NCAM2: variants seen among roughly 807,000 people sequenced by gnomAD.
The protein encoded by NCAM2 is N-CAM-2.
In NCAM2, 30 loss-of-function variants were observed where a neutral mutation model predicts 98.1. The ratio of observed to expected loss-of-function variants is 0.31; its 90% CI spans 0.23 to 0.41. The LOEUF (loss-of-function observed/expected upper bound fraction) is 0.41, where lower values mean the gene tolerates loss of function less well. Among genes scored for constraint, NCAM2 ranks in the 10% least tolerant of loss-of-function variants. NCAM2 has a pLI of 1.00. For missense variants in NCAM2, 867 were observed against 1,005.8 expected (o/e 0.86, Z 1.87); for synonymous variants, 368 against 342.4 (o/e 1.07, Z -0.83).
intron 5 of NCAM2, among the ~76,000 whole-genome samples, chr21:21,316,391 A>G (rs982370456): frequency 3.3e-5 from 5 of 152,084 alleles, no homozygotes; most frequent in Admixed American, 6.6e-5. Context: ...AAAACATGCA[A>G]TAATAACTTG....
chr21:21,529,143 C>T (rs1458397559), intron 16 of NCAM2, among the ~76,000 whole-genome samples: 1 of 151,956 alleles, frequency 6.6e-6, no homozygotes, highest in African/African-American at 2.4e-5. Flanking sequence ...ATTCATCCCC[C>T]CTTATGAAAG....
At chr21:21,127,427 C>G (rs940256210) in intron 1 of NCAM2, among the ~76,000 whole-genome samples, 4 of 152,142 alleles carry the variant, frequency 2.6e-5, no homozygotes, top group Non-Finnish European at 4.4e-5. Context: ...GGTTATCTAT[C>G]ATCTCAAACA....
chr21:21,133,748 G>A (rs1012980703), intron 1 of NCAM2, among the ~76,000 whole-genome samples: 1 of 151,994 alleles, frequency 6.6e-6, no homozygotes, highest in Non-Finnish European at 1.5e-5. Context: ...TTGCTGCCTC[G>A]ACCCTGATCT....
At chr21:21,192,914 G>A (rs562283865) in intron 1 of NCAM2, among the ~76,000 whole-genome samples, 1 of 152,166 alleles carries the variant, frequency 6.6e-6, no homozygotes, top group Non-Finnish European at 1.5e-5. Flanking sequence ...TCCTAGTGTC[G>A]TGAGGCAAGG....
At chr21:21,093,672 A>T (rs140655228) in intron 1 of NCAM2, among the ~76,000 whole-genome samples, 117 of 152,176 alleles carry the variant, frequency 7.7e-4, no homozygotes, top group African/African-American at 2.8e-3. Context: ...GCTTAAAAAA[A>T]TAGTGACTTC....
intron 1 of NCAM2, among the ~76,000 whole-genome samples, chr21:21,271,849 A>G (rs1488773070): frequency 6.6e-6 from 1 of 152,106 alleles, no homozygotes; most frequent in African/African-American, 2.4e-5. Context: ...GTCAATGAGA[A>G]CACTTGGACA....
intron 1 of NCAM2, among the ~76,000 whole-genome samples, chr21:21,130,587 T>C (rs1031507444): frequency 6.6e-6 from 1 of 152,142 alleles, no homozygotes; most frequent in African/African-American, 2.4e-5. Context: ...CTGTTGGGGA[T>C]AGTCAGTAGG....
At chr21:21,383,128 G>A (rs1298837106) in intron 9 of NCAM2, among the ~76,000 whole-genome samples, 5 of 152,058 alleles carry the variant, frequency 3.3e-5, no homozygotes, top group Non-Finnish European at 5.9e-5. Context: ...TTGTGTCCTG[G>A]ATATTGTAAA....
At chr21:21,339,984 C>G (rs562430833) in intron 8 of NCAM2, among the ~76,000 whole-genome samples, 1 of 151,634 alleles carries the variant, frequency 6.6e-6, no homozygotes, top group Admixed American at 6.6e-5. Context: ...TTCTGCAACC[C>G]AGATAAAAGT....
chr21:21,066,979 T>C (rs1281799754), intron 1 of NCAM2, among the ~76,000 whole-genome samples: 2 of 152,024 alleles, frequency 1.3e-5, no homozygotes, highest in Non-Finnish European at 1.5e-5. Context: ...GTTAACTAAA[T>C]GTTATATTGC....
intron 1 of NCAM2, among the ~76,000 whole-genome samples, chr21:21,089,676 T>G (rs1009201912): frequency 2.0e-5 from 3 of 152,198 alleles, no homozygotes; most frequent in Admixed American, 1.3e-4. Flanking sequence ...TCAGTGATTG[T>G]GCCACCTGCC....
chr21:21,154,486 A>G (rs1013331287), intron 1 of NCAM2, among the ~76,000 whole-genome samples: 3 of 151,884 alleles, frequency 2.0e-5, no homozygotes, highest in Non-Finnish European at 4.4e-5. Context: ...AAGATGCATA[A>G]TGAACTTATA....
intron 8 of NCAM2, among the ~76,000 whole-genome samples, chr21:21,372,431 A>G (rs2075940326): frequency 6.6e-6 from 1 of 151,790 alleles, no homozygotes; most frequent in African/African-American, 2.4e-5. Flanking sequence ...ATTCAGTGAT[A>G]GAACCTGGAA....
chr21:21,485,202 T>A (rs969150944), intron 15 of NCAM2, among the ~76,000 whole-genome samples: 3 of 152,132 alleles, frequency 2.0e-5, no homozygotes, highest in African/African-American at 7.2e-5. Context: ...TATTTTAAAT[T>A]TGAACACCGA....
intron 1 of NCAM2, among the ~76,000 whole-genome samples, chr21:21,140,692 TCTTCTGTCA>T (rs965233990): frequency 2.0e-5 from 3 of 152,160 alleles, no homozygotes; most frequent in African/African-American, 7.2e-5. Context: ...TTTGGTTTTC[TCTTCTGTCA>T]CTTTTGTTCA....
chr21:21,330,389 C>T (rs1019013546), intron 6 of NCAM2, among the ~76,000 whole-genome samples: 2 of 151,888 alleles, frequency 1.3e-5, no homozygotes, highest in African/African-American at 4.8e-5. Flanking sequence ...ATTTTTAATA[C>T]TATTCATTTA....
At chr21:21,146,635 G>C (rs1380407952) in intron 1 of NCAM2, among the ~76,000 whole-genome samples, 1 of 148,356 alleles carries the variant, frequency 6.7e-6, no homozygotes, top group Non-Finnish European at 1.5e-5. Flanking sequence ...GCCATTTAAC[G>C]TATTAAAGAA....
In NCAM2 at chr21:21,418,522, C is replaced by G. The variant is rs1338230128; in HGVS notation, c.1433C>G (p.Thr478Ser). Residue 478 changes from threonine to serine, a missense_variant, in exon 11 of 18, where the codon ACT becomes AGT. By Grantham distance (58) the Thr-to-Ser change is moderately conservative. Coordinates refer to ENST00000400546, the MANE Select transcript of NCAM2 (RefSeq NM_004540.5). ...TTTGGACGCTATAATTGCACAGCCACTAATCATATAGGAACAAGATTTCAA... is the reference window on the plus strand; with the variant it reads ...TTTGGACGCTATAATTGCACAGCCAGTAATCATATAGGAACAAGATTTCAA... ...NDFGRYNCTATNHIGTRFQEY... is the reference protein window; with the variant it reads ...NDFGRYNCTASNHIGTRFQEY... The G allele has an allele frequency of 6.2e-7, 1 of 1,612,606 alleles. No individual in the cohort carries two copies. Among genetic ancestry groups the G allele is most frequent in the Admixed American group, 1.7e-5 (1 of 60,004 alleles).
At chr21:21,344,709 C>T (rs1427508302) in intron 8 of NCAM2, among the ~76,000 whole-genome samples, 1 of 152,168 alleles carries the variant, frequency 6.6e-6, no homozygotes, top group Non-Finnish European at 1.5e-5. Context: ...GACCTTGCTT[C>T]CCTGAAGGGA....
Sources: gnomAD v4.1 joint callset for allele counts (sites outside exome capture counted in the v4.1 genomes callset) on GRCh38, gnomAD v4.1.1 for gene constraint, MANE v1.5 for transcripts, NCBI Gene and HGNC (gene_info 2026-07-23, HGNC 2026-07-21) for gene names.